Variants in MMP16 observed in about 807,000 individuals in gnomAD.
The protein encoded by MMP16 is matrix metallopeptidase 16.
Under a neutral mutation model 67.8 loss-of-function variants are expected in MMP16, and 12 were observed. The observed-to-expected ratio is 0.18, with a 90% CI of 0.11 to 0.29. The LOEUF is 0.29. MMP16 is among the 10% of genes least tolerant of loss of function. The probability of loss-of-function intolerance (pLI) is 1.00; values close to 1 mark genes in which losing one functional copy is unlikely to be tolerated. For missense variants in MMP16, 475 were observed against 765.7 expected, an observed-to-expected ratio of 0.62 and a Z score of 4.48; for synonymous variants, 249 against 255.9, an observed-to-expected ratio of 0.97 and a Z score of 0.26.
intron 2 of MMP16, among the ~76,000 whole-genome samples, chr8:88,191,208 T>C (rs1809164453): frequency 6.6e-6 from 1 of 152,268 alleles, no homozygotes; most frequent in African/African-American, 2.4e-5. Context: ...GGGATCCTGG[T>C]GCCATACTGT....
At chr8:88,056,562 T>C (rs780538445) in intron 7 of MMP16, among the ~76,000 whole-genome samples, 27 of 152,024 alleles carry the variant, frequency 1.8e-4, no homozygotes, top group Non-Finnish European at 2.9e-4. Context: ...ATCTATAACT[T>C]TGCCATAAAG....
chr8:88,102,565 C>T (rs1809163465), intron 6 of MMP16, among the ~76,000 whole-genome samples: 1 of 151,834 alleles, frequency 6.6e-6, no homozygotes, highest in South Asian at 2.1e-4. Flanking sequence ...GATTCAACCA[C>T]TGGCCATGAA....
chr8:88,057,648 C>T (rs1361690727), intron 7 of MMP16, among the ~76,000 whole-genome samples: 1 of 152,054 alleles, frequency 6.6e-6, no homozygotes, highest in Non-Finnish European at 1.5e-5. Context: ...ATTTTAAAAA[C>T]GTGCTCTCAA....
intron 4 of MMP16, among the ~76,000 whole-genome samples, chr8:88,123,904 A>C (rs28907619): frequency 1.5e-3 from 226 of 151,908 alleles, no homozygotes; most frequent in African/African-American, 5.2e-3. Flanking sequence ...CCTGCCCACC[A>C]TCCCTGCCCT....
chr8:88,311,127 G>A (rs182862089), intron 1 of MMP16, among the ~76,000 whole-genome samples: 559 of 152,188 alleles, frequency 3.7e-3, no homozygotes, highest in Non-Finnish European at 4.3e-3. Context: ...CCTGGTGGGG[G>A]TGAAGATGGA....
At chr8:88,192,631 A>G (rs1809188582) in intron 2 of MMP16, among the ~76,000 whole-genome samples, 1 of 152,202 alleles carries the variant, frequency 6.6e-6, no homozygotes, top group Non-Finnish European at 1.5e-5. Context: ...CCAAACTGAA[A>G]AAGAAGATAG....
rs1334320760 is a variant in MMP16, at chr8:88,151,483, T to C, written c.709+16186A>G. Among the ~76,000 whole-genome samples the C allele has an allele frequency of 6.0e-5, 9 of 149,886 alleles. No individual in the cohort carries two copies. In the South Asian group the frequency reaches 6.5e-4, roughly 11 times the overall value. ...TGGAAGTAAAGCACTCCTCAGCAAA[T>C]GTAAAAGAACAGAAATTATAACAAA... On this transcript the variant is annotated intron_variant, in intron 4 of 9. Coordinates refer to ENST00000286614, the MANE Select transcript of MMP16 (RefSeq NM_005941.5).
At chr8:88,152,283 G>A (rs1808423092) in intron 4 of MMP16, among the ~76,000 whole-genome samples, 1 of 96,850 alleles carries the variant, frequency 1.0e-5, no homozygotes, top group African/African-American at 4.5e-5. Flanking sequence ...TCTACCAGAG[G>A]TACAAGGAGG....
chr8:88,276,110 A>G (rs771063072), intron 1 of MMP16, among the ~76,000 whole-genome samples: 38 of 152,192 alleles, frequency 2.5e-4, no homozygotes, highest in South Asian at 2.1e-3. Flanking sequence ...GCAGTTTATA[A>G]AATTAAAACT....
chr8:88,074,022 C>T (rs1808604936), intron 7 of MMP16, among the ~76,000 whole-genome samples: 1 of 152,134 alleles, frequency 6.6e-6, no homozygotes, highest in African/African-American at 2.4e-5. Context: ...AGGCAGTTGC[C>T]TAAGTTCACT....
At chr8:88,094,909 T>A (rs901305430) in intron 6 of MMP16, among the ~76,000 whole-genome samples, 1 of 151,852 alleles carries the variant, frequency 6.6e-6, no homozygotes, top group Non-Finnish European at 1.5e-5. Flanking sequence ...CTTCAGAAAC[T>A]GCTTGTCAAA....
intron 4 of MMP16, among the ~76,000 whole-genome samples, chr8:88,159,843 G>C (rs1281864660): frequency 5.3e-5 from 8 of 151,944 alleles, no homozygotes; most frequent in African/African-American, 1.9e-4. Flanking sequence ...TAGCATGAAG[G>C]GCTGTTGAAT....
chr8:88,063,322 A>C (rs979963975), intron 7 of MMP16, among the ~76,000 whole-genome samples: 15 of 152,060 alleles, frequency 9.9e-5, no homozygotes, highest in Admixed American at 7.9e-4. Context: ...ATAGTCTGTC[A>C]GTCAACCAGG....
At chr8:88,186,745 CTG>C (rs746279618) in intron 2 of MMP16, 147 bp from the exon 3 acceptor site, 20 of 1,124,814 alleles carry the variant, frequency 1.8e-5, no homozygotes, top group African/African-American at 4.7e-5. Context: ...AAAGGGAACA[CTG>C]TGAATTTTCT....
intron 1 of MMP16, among the ~76,000 whole-genome samples, chr8:88,225,415 G>T (rs1395509792): frequency 2.0e-5 from 3 of 151,852 alleles, no homozygotes; most frequent in African/African-American, 4.8e-5. Context: ...GGACTTGAGG[G>T]TTATTTATTA....
At chr8:88,263,336 A>G (rs1199082808) in intron 1 of MMP16, among the ~76,000 whole-genome samples, 4 of 152,160 alleles carry the variant, frequency 2.6e-5, no homozygotes, top group African/African-American at 4.8e-5. Context: ...AATGTATCAC[A>G]GTATATATAA....
At position 88,039,504 on chromosome 8, in the gene MMP16, G is replaced by A. The variant is rs1456543364; in HGVS notation, c.*1957C>T. On this transcript the variant is annotated 3_prime_UTR_variant, in exon 10 of 10. Transcript: ENST00000286614. The surrounding 1 kb of genome is among the most constrained non-coding windows in gnomAD (Gnocchi z 4.5). ...GATTTCCTTCAGTTTGTGCCAGTTT[G>A]CAAGTTAAAGGTCAAAGGGCAAAGA... 6.6e-6 allele frequency: 1 copy of A among 152,570 alleles called. No homozygotes were observed. The highest frequency in any genetic ancestry group is 2.4e-5 in the African/African-American group (1 of 41,446). The allele number at this position is 152,570 out of a possible 1,614,324, so 9.5% of individuals were successfully genotyped here.
chr8:88,308,460 C>T (rs1306989650), intron 1 of MMP16, among the ~76,000 whole-genome samples: 2 of 151,962 alleles, frequency 1.3e-5, no homozygotes, highest in Non-Finnish European at 1.5e-5. Context: ...AAGAGGTGCC[C>T]AAAGCCACCC....
At chr8:88,149,540 T>C (rs1808362495) in intron 4 of MMP16, among the ~76,000 whole-genome samples, 1 of 152,156 alleles carries the variant, frequency 6.6e-6, no homozygotes, top group African/African-American at 2.4e-5. Flanking sequence ...CCTCCTCAAG[T>C]GGGTCCCTGA....
Sources: gnomAD v4.1 joint callset for allele counts (sites outside exome capture counted in the v4.1 genomes callset) on GRCh38, gnomAD v4.1.1 for gene constraint, Gnocchi (gnomAD v3.1) non-coding constraint, MANE v1.5 for transcripts, NCBI Gene and HGNC (gene_info 2026-07-23, HGNC 2026-07-21) for gene names.